The following AK5 variants were observed in gnomAD, a reference collection of about 807,000 sequenced individuals.
AK5 encodes the protein adenylate kinase 5.
A neutral mutation model predicts 69.5 loss-of-function variants in AK5; 27 were observed. The observed-to-expected ratio is 0.39, with a 90% CI of 0.29 to 0.54. The LOEUF (loss-of-function observed/expected upper bound fraction) is 0.54, where lower values mean the gene tolerates loss of function less well. Ranked by LOEUF, AK5 falls within the 20% of genes least tolerant of loss-of-function variation. The pLI, the probability that AK5 is intolerant of heterozygous loss-of-function variation, is 0.71. For synonymous variants in AK5, 260 were observed against 244.4 expected, an observed-to-expected ratio of 1.06 and a Z score of -0.60; for missense variants, 531 against 700.4, an observed-to-expected ratio of 0.76 and a Z score of 2.73.
chr1:77,395,289 G>A (rs1648755885), intron 6 of AK5, among the ~76,000 whole-genome samples: 1 of 152,160 alleles, frequency 6.6e-6, no homozygotes, highest in Non-Finnish European at 1.5e-5. Context: ...AAGCCTGAGG[G>A]TTGCATTTAA....
chr1:77,322,746 C>T (rs1660600222), intron 5 of AK5, among the ~76,000 whole-genome samples: 3 of 152,092 alleles, frequency 2.0e-5, no homozygotes, highest in African/African-American at 7.2e-5. Context: ...CTCCACCCAA[C>T]TATACTATCT....
chr1:77,394,563 G>A (rs1648710653), intron 6 of AK5, among the ~76,000 whole-genome samples: 1 of 151,772 alleles, frequency 6.6e-6, no homozygotes, highest in South Asian at 2.1e-4. Flanking sequence ...TTGGATTGTG[G>A]ACTCTTTAAA....
chr1:77,518,822 C>T, intron 11 of AK5, 95 bp downstream of exon 11: 2 of 1,253,522 alleles, frequency 1.6e-6, no homozygotes, highest in South Asian at 1.4e-5. Flanking sequence ...AACTAAGAAA[C>T]CCAAAGAAAC....
chr1:77,284,242 G>A (rs991099541), intron 1 of AK5, among the ~76,000 whole-genome samples: 1 of 152,122 alleles, frequency 6.6e-6, no homozygotes, highest in Non-Finnish European at 1.5e-5. Flanking sequence ...AGCTCAAGAG[G>A]GAAGGAAAAT....
At chr1:77,475,165 A>ATG (rs1654768649) in intron 8 of AK5, among the ~76,000 whole-genome samples, 3 of 10,898 alleles carry the variant, frequency 2.8e-4, no homozygotes, top group South Asian at 7.1e-3. Flanking sequence ...GTGTGTGTGC[A>ATG]TGTATATATA....
At chr1:77,497,738 C>T (rs1474339493) in intron 10 of AK5, among the ~76,000 whole-genome samples, 1 of 152,128 alleles carries the variant, frequency 6.6e-6, no homozygotes, top group Non-Finnish European at 1.5e-5. Flanking sequence ...CAGGCACGCA[C>T]CACCACGCCC....
chr1:77,336,354 A>G (rs1453869842), intron 5 of AK5, among the ~76,000 whole-genome samples: 1 of 152,158 alleles, frequency 6.6e-6, no homozygotes, highest in Non-Finnish European at 1.5e-5. Flanking sequence ...TGCTAGGATT[A>G]CAGGCATGAG....
At chr1:77,454,241 C>G (rs1653336741) in intron 8 of AK5, among the ~76,000 whole-genome samples, 1 of 152,100 alleles carries the variant, frequency 6.6e-6, no homozygotes, top group South Asian at 2.1e-4. Context: ...ACTACCAACC[C>G]CTCTTTACTC....
At chr1:77,355,910 T>C (rs1242326972) in intron 6 of AK5, among the ~76,000 whole-genome samples, 1 of 148,882 alleles carries the variant, frequency 6.7e-6, no homozygotes, top group East Asian at 1.9e-4. Flanking sequence ...CACACATATA[T>C]ATATACACAC....
intron 9 of AK5, among the ~76,000 whole-genome samples, chr1:77,484,094 C>T (rs928636464): frequency 1.3e-5 from 2 of 149,576 alleles, no homozygotes; most frequent in Admixed American, 1.3e-4. Flanking sequence ...GAACCCAGGA[C>T]GATGAGGTTT....
intron 8 of AK5, among the ~76,000 whole-genome samples, chr1:77,470,911 C>T (rs1164471890): frequency 2.8e-5 from 3 of 108,868 alleles, no homozygotes; most frequent in African/African-American, 1.1e-4. Flanking sequence ...GACAGAGTCT[C>T]ATTCTGTGGC....
chr1:77,520,581 C>T (rs934100192), intron 11 of AK5, among the ~76,000 whole-genome samples: 5 of 152,182 alleles, frequency 3.3e-5, no homozygotes, highest in African/African-American at 1.2e-4. Context: ...CAGCCTGATG[C>T]TCTCCCTTCA....
intron 8 of AK5, among the ~76,000 whole-genome samples, chr1:77,460,430 ATTTG>A (rs1653762187): frequency 1.3e-5 from 2 of 152,326 alleles, no homozygotes; most frequent in Admixed American, 6.5e-5. Context: ...TAGAACATAC[ATTTG>A]TTTGTTCATA....
intron 10 of AK5, among the ~76,000 whole-genome samples, chr1:77,509,845 A>G (rs1456831325): frequency 6.6e-6 from 1 of 152,198 alleles, no homozygotes; most frequent in Admixed American, 6.5e-5. Flanking sequence ...ACTTTTAAAC[A>G]TCACCAACAG....
chr1:77,372,770 TGC>T (rs1277908923), intron 6 of AK5, among the ~76,000 whole-genome samples: 5 of 131,928 alleles, frequency 3.8e-5, no homozygotes, highest in African/African-American at 5.1e-5. Flanking sequence ...TGTGTGTGTG[TGC>T]GTGTGTGTGT....
chr1:77,303,368 TTTG>T (rs2100265647), intron 5 of AK5, among the ~76,000 whole-genome samples: 1 of 152,364 alleles, frequency 6.6e-6, no homozygotes, highest in Non-Finnish European at 1.5e-5. Flanking sequence ...TTTTAAAATA[TTTG>T]TTAAGTCCTT....
At position 77,409,819 on chromosome 1, in the gene AK5, C is replaced by T. The variant is rs113591748; in HGVS notation, c.892-1162C>T. Reference sequence around the variant, plus strand: ...CTTTGTCATGAAATCTTTGCCCATTCCTGTGTCCAGGATGGTATTGCCTAG... The same window carrying T: ...CTTTGTCATGAAATCTTTGCCCATTTCTGTGTCCAGGATGGTATTGCCTAG... On this transcript the variant is annotated intron_variant, in intron 6 of 13. Coordinates refer to ENST00000354567, the MANE Select transcript of AK5 (RefSeq NM_174858.3). Among the ~76,000 whole-genome samples the T allele has an allele frequency of 6.4e-3, 970 of 152,270 alleles. 8 individuals are homozygous for T. Among genetic ancestry groups the T allele is most frequent in the Middle Eastern group, 0.044 (13 of 294 alleles).
At chr1:77,524,839 G>A (rs1056228750) in intron 12 of AK5, among the ~76,000 whole-genome samples, 5 of 151,906 alleles carry the variant, frequency 3.3e-5, no homozygotes, top group Admixed American at 6.6e-5. Flanking sequence ...CCTTCCCTCC[G>A]TATTTTCTTC....
intron 10 of AK5, among the ~76,000 whole-genome samples, chr1:77,503,527 G>C (rs1570272018): frequency 6.6e-6 from 1 of 152,162 alleles, no homozygotes; most frequent in South Asian, 2.1e-4. Flanking sequence ...TTTGTAAAGG[G>C]TTATAAAAGG....
Sources: allele counts gnomAD v4.1 joint callset (sites outside exome capture counted in the v4.1 genomes callset), GRCh38; gene constraint gnomAD v4.1.1; transcripts MANE v1.5; gene names NCBI Gene and HGNC (gene_info 2026-07-23, HGNC 2026-07-21).